The following RSRC1 variants were observed in gnomAD, a reference collection of about 807,000 sequenced individuals.
RSRC1 encodes arginine and serine rich coiled-coil 1, also known as serine/Arginine-related protein 53.
Under a neutral mutation model 49.1 loss-of-function variants are expected in RSRC1, and 39 were observed. That is an observed-to-expected ratio of 0.79 (90% CI 0.61 to 1.04). RSRC1 has a LOEUF of 1.04. RSRC1 is among the 50% of genes least tolerant of loss of function. RSRC1 has a pLI of 0.00. For synonymous variants in RSRC1, 143 were observed against 130.8 expected (o/e 1.09, Z -0.63); for missense variants, 388 against 402.4 (o/e 0.96, Z 0.31).
chr3:158,255,591 A>G lies in RSRC1; in HGVS notation c.495-42448A>G, dbSNP rs145136693. Among the ~76,000 whole-genome samples, 856 of 152,302 alleles carry G rather than the reference A, an allele frequency of 5.6e-3. 7 individuals are homozygous for G. The highest frequency in any genetic ancestry group is 9.3e-3 in the Non-Finnish European group (631 of 68,024). On this transcript the variant is annotated intron_variant, in intron 4 of 9. Transcript: ENST00000611884. ...ATGGACTTAAAGGTAGTTTTTTCCA[A>G]TTCTGTGAAGAAAGTCATTGGTAGC...
At chr3:158,507,756 T>C (rs1739931819) in intron 7 of RSRC1, among the ~76,000 whole-genome samples, 1 of 152,134 alleles carries the variant, frequency 6.6e-6, no homozygotes, top group Admixed American at 6.5e-5. Flanking sequence ...TTAATAAGAA[T>C]TCGAATAATG....
At chr3:158,112,748 A>T (rs1306586207) in intron 1 of RSRC1, among the ~76,000 whole-genome samples, 1 of 152,064 alleles carries the variant, frequency 6.6e-6, no homozygotes, top group East Asian at 1.9e-4. Flanking sequence ...ACTGCACCTA[A>T]ATATTAAGCC....
chr3:158,294,100 A>C (rs1013919040), intron 4 of RSRC1, among the ~76,000 whole-genome samples: 49 of 151,992 alleles, frequency 3.2e-4, no homozygotes, highest in African/African-American at 1.2e-3. Flanking sequence ...ATTTCTTCAA[A>C]TATTTCTTCT....
At chr3:158,311,986 A>T (rs994440118) in intron 5 of RSRC1, among the ~76,000 whole-genome samples, 9 of 152,136 alleles carry the variant, frequency 5.9e-5, no homozygotes, top group Non-Finnish European at 1.5e-5. Context: ...GTATTAATCC[A>T]TAAGAGTAAA....
intron 6 of RSRC1, among the ~76,000 whole-genome samples, chr3:158,422,810 G>A (rs10936140): frequency 0.5 from 70,744 of 141,894 alleles, 18,043 homozygotes; most frequent in South Asian, 0.58. Context: ...TTTGATTTGC[G>A]TTTCTCTGAT....
chr3:158,326,811 C>T (rs551316325), intron 5 of RSRC1, among the ~76,000 whole-genome samples: 10 of 152,312 alleles, frequency 6.6e-5, no homozygotes, highest in African/African-American at 1.9e-4. Context: ...ATGGTACCAG[C>T]TCCTCCTTGT....
chr3:158,432,840 G>T (rs1048730891), intron 6 of RSRC1, among the ~76,000 whole-genome samples: 2 of 151,750 alleles, frequency 1.3e-5, no homozygotes, highest in Non-Finnish European at 2.9e-5. Flanking sequence ...TGAATAAAAT[G>T]AAGACATTTA....
intron 7 of RSRC1, among the ~76,000 whole-genome samples, chr3:158,510,759 CTG>C (rs1409493609): frequency 6.6e-6 from 1 of 152,040 alleles, no homozygotes; most frequent in Non-Finnish European, 1.5e-5. Context: ...TCCTTTCTAA[CTG>C]TATTGGAATT....
rs143859385 is a variant in RSRC1 at position 158,137,826 on chromosome 3, G to A, written c.320+13835G>A. Among the ~76,000 whole-genome samples, 428 of 151,772 alleles carry A rather than the reference G, an allele frequency of 2.8e-3. 1 individual carries two copies. Among genetic ancestry groups the A allele is most frequent in the African/African-American group, 9.8e-3 (404 of 41,390 alleles). ...CCACCACCATGCCTGGCTAATTTTCGTATTTTTAGTAGAGACAGGGTTTCG... is the reference window on the plus strand; with the variant it reads ...CCACCACCATGCCTGGCTAATTTTCATATTTTTAGTAGAGACAGGGTTTCG... On this transcript the variant is annotated intron_variant, in intron 3 of 9. Coordinates refer to ENST00000611884, the MANE Select transcript of RSRC1 (RefSeq NM_001271838.2).
intron 1 of RSRC1, among the ~76,000 whole-genome samples, chr3:158,116,954 G>T (rs1377044208): frequency 6.6e-6 from 1 of 152,018 alleles, no homozygotes; most frequent in Non-Finnish European, 1.5e-5. Flanking sequence ...TCTTTTCATG[G>T]AGCACACTGT....
chr3:158,160,372 C>T (rs774165616), intron 3 of RSRC1, among the ~76,000 whole-genome samples: 2 of 152,138 alleles, frequency 1.3e-5, no homozygotes, highest in Admixed American at 1.3e-4. Flanking sequence ...GAATCTACCC[C>T]TTTCTTCCAA....
At chr3:158,268,805 G>T (rs954402643) in intron 4 of RSRC1, among the ~76,000 whole-genome samples, 1 of 152,188 alleles carries the variant, frequency 6.6e-6, no homozygotes, top group South Asian at 2.1e-4. Flanking sequence ...TGTGACTTGA[G>T]ATAATTTTTA....
chr3:158,212,248 A>C (rs1721714890), intron 4 of RSRC1, among the ~76,000 whole-genome samples: 1 of 151,910 alleles, frequency 6.6e-6, no homozygotes, highest in Non-Finnish European at 1.5e-5. Flanking sequence ...GCTTAGAAAC[A>C]TGTAAAAGTG....
At chr3:158,221,889 A>G (rs1578211031) in intron 4 of RSRC1, among the ~76,000 whole-genome samples, 1 of 151,616 alleles carries the variant, frequency 6.6e-6, no homozygotes, top group East Asian at 2.0e-4. Flanking sequence ...AAATGTGGAG[A>G]GATTCGTATA....
chr3:158,204,869 T>G (rs1054023539), intron 4 of RSRC1, among the ~76,000 whole-genome samples: 1 of 152,138 alleles, frequency 6.6e-6, no homozygotes, highest in African/African-American at 2.4e-5. Flanking sequence ...TTATATTATA[T>G]AAAACATTAT....
intron 4 of RSRC1, among the ~76,000 whole-genome samples, chr3:158,217,417 C>T (rs926372159): frequency 5.9e-5 from 9 of 151,682 alleles, no homozygotes; most frequent in African/African-American, 1.7e-4. Context: ...TAAACGGTCT[C>T]TCAAGTCCTT....
chr3:158,418,288 T>C (rs1195014593), intron 6 of RSRC1, among the ~76,000 whole-genome samples: 1 of 151,938 alleles, frequency 6.6e-6, no homozygotes, highest in African/African-American at 2.4e-5. Flanking sequence ...GTAAAGTCTG[T>C]TCAGAAAATA....
intron 3 of RSRC1, among the ~76,000 whole-genome samples, chr3:158,185,385 A>G (rs1351840932): frequency 1.3e-5 from 2 of 151,978 alleles, no homozygotes; most frequent in African/African-American, 2.4e-5. Context: ...TTATTTTGGA[A>G]AATTGTCATT....
At chr3:158,464,954 G>C (rs73172122) in intron 7 of RSRC1, among the ~76,000 whole-genome samples, 20,238 of 151,976 alleles carry the variant, frequency 0.13, 1,465 homozygotes, top group Middle Eastern at 0.2. Context: ...ACAACCCTTA[G>C]AATCAGTGCT....
Sources: allele counts gnomAD v4.1 joint callset (sites outside exome capture counted in the v4.1 genomes callset), GRCh38; gene constraint gnomAD v4.1.1; transcripts MANE v1.5; gene names NCBI Gene and HGNC (gene_info 2026-07-23, HGNC 2026-07-21).